The following RBPMS variants were observed in gnomAD, a reference collection of about 807,000 sequenced individuals.
The protein encoded by RBPMS is RNA binding protein, mRNA processing factor, also known as RNA-binding protein with multiple splicing.
In RBPMS, 7 loss-of-function variants were observed where a neutral mutation model predicts 26.8. The observed-to-expected ratio is 0.26, with a 90% CI of 0.15 to 0.49. The LOEUF (loss-of-function observed/expected upper bound fraction) is 0.49, where lower values mean the gene tolerates loss of function less well. RBPMS is among the 20% of genes least tolerant of loss of function. RBPMS has a pLI of 0.98. For synonymous variants in RBPMS, 96 were observed against 93.3 expected, an observed-to-expected ratio of 1.03 and a Z score of -0.17; for missense variants, 186 against 250.0, an observed-to-expected ratio of 0.74 and a Z score of 1.73.
At chr8:30,417,428 A>G (rs769372261) in intron 1 of RBPMS, among the ~76,000 whole-genome samples, 1 of 152,006 alleles carries the variant, frequency 6.6e-6, no homozygotes, top group Non-Finnish European at 1.5e-5. Context: ...CCTGTTTTAT[A>G]GAAACTTCTA....
At chr8:30,496,840 G>T (rs899704768) in intron 4 of RBPMS, among the ~76,000 whole-genome samples, 1 of 152,144 alleles carries the variant, frequency 6.6e-6, no homozygotes, top group Non-Finnish European at 1.5e-5. Flanking sequence ...CCAGATGCGG[G>T]TTTATCTGTG....
At chr8:30,475,106 G>A (rs1817546464) in intron 2 of RBPMS, among the ~76,000 whole-genome samples, 1 of 152,258 alleles carries the variant, frequency 6.6e-6, no homozygotes, top group East Asian at 1.9e-4. Context: ...ATTTGAAATA[G>A]TACTGTTGAT....
intron 5 of RBPMS, among the ~76,000 whole-genome samples, chr8:30,525,791 G>A (rs569246275): frequency 6.6e-6 from 1 of 152,322 alleles, no homozygotes; most frequent in Admixed American, 6.5e-5. Flanking sequence ...CAGGACCCAT[G>A]CTGTAGAGCT....
At chr8:30,502,139 C>CT (rs34541775) in intron 4 of RBPMS, among the ~76,000 whole-genome samples, 120,699 of 132,108 alleles carry the variant, frequency 0.91, 56,027 homozygotes, top group East Asian at 0.99. Context: ...AACTTCTGAG[C>CT]TTTTTTTTTT....
chr8:30,393,959 C>T (rs888727092), intron 1 of RBPMS, among the ~76,000 whole-genome samples: 3 of 113,252 alleles, frequency 2.6e-5, no homozygotes, highest in Admixed American at 2.0e-4. Flanking sequence ...CTCTACTGCA[C>T]CTATTATGGT....
chr8:30,477,198 A>G (rs1056781157), intron 2 of RBPMS, among the ~76,000 whole-genome samples: 7 of 152,132 alleles, frequency 4.6e-5, no homozygotes, highest in South Asian at 2.1e-4. Context: ...GACTACAGGC[A>G]CCCACCACCA....
intron 5 of RBPMS, among the ~76,000 whole-genome samples, chr8:30,519,822 T>C (rs755016279): frequency 1.3e-5 from 2 of 152,118 alleles, no homozygotes; most frequent in Non-Finnish European, 2.9e-5. Context: ...CATTGGATTA[T>C]TGAAAAAAGT....
chr8:30,393,443 T>G (rs1808024271), intron 1 of RBPMS, among the ~76,000 whole-genome samples: 1 of 151,308 alleles, frequency 6.6e-6, no homozygotes, highest in Admixed American at 6.6e-5. Context: ...TTTTTTGACT[T>G]TTTTGGGGAA....
rs369277836 is a variant in RBPMS at position 30,544,223 on chromosome 8, AAGACATC to A, written c.398-267_398-261del. On this transcript the variant is annotated intron_variant, in intron 5 of 8. Coordinates refer to ENST00000397323, the MANE Select transcript of RBPMS (RefSeq NM_001008710.3). The stretch of plus-strand genomic sequence containing the variant: ...TTTGGGTTCCCCAGCTACAGTCGGA[AAGACATC>A]AGAGTGTTCAAGGCGGAGTCCAGGC... 6.4e-3 allele frequency among the ~76,000 whole-genome samples: 978 copies of A among 152,282 alleles called. 14 individuals carry two copies. The highest frequency in any genetic ancestry group is 0.022 in the African/African-American group (915 of 41,514).
At chr8:30,546,218 G>A (rs145106802) in intron 6 of RBPMS, among the ~76,000 whole-genome samples, 1,977 of 152,260 alleles carry the variant, frequency 0.013, 13 homozygotes, top group Middle Eastern at 0.024. Flanking sequence ...TACAGATCAC[G>A]TGGCAATTAA....
chr8:30,391,321 C>G (rs1160265143), intron 1 of RBPMS, among the ~76,000 whole-genome samples: 1 of 152,194 alleles, frequency 6.6e-6, no homozygotes, highest in Non-Finnish European at 1.5e-5. Context: ...AGCATGGACT[C>G]CCTGTGTTCC....
intron 1 of RBPMS, among the ~76,000 whole-genome samples, chr8:30,453,060 C>T (rs149672352): frequency 3.7e-3 from 556 of 152,274 alleles, no homozygotes; most frequent in South Asian, 8.5e-3. Flanking sequence ...AGCAGTATTT[C>T]TCAGTGTGTG....
chr8:30,567,080 G>A (rs571768437), intron 8 of RBPMS, among the ~76,000 whole-genome samples: 5 of 152,292 alleles, frequency 3.3e-5, no homozygotes, highest in African/African-American at 7.2e-5. Flanking sequence ...GGCTTAGAGC[G>A]GCAGGAATGC....
chr8:30,489,762 A>T (rs6990019), intron 4 of RBPMS, among the ~76,000 whole-genome samples: 34,781 of 149,536 alleles, frequency 0.23, 4,541 homozygotes, highest in East Asian at 0.41. Flanking sequence ...TTTTCTGTAC[A>T]CTGGTGTTTT....
chr8:30,566,652 GTGAGGGAT>G (rs1827905457), intron 8 of RBPMS, among the ~76,000 whole-genome samples: 1 of 152,230 alleles, frequency 6.6e-6, no homozygotes, highest in Non-Finnish European at 1.5e-5. Flanking sequence ...GGCACCTGGA[GTGAGGGAT>G]TCCACCTAGG....
chr8:30,411,079 C>T (rs549174938), intron 1 of RBPMS, among the ~76,000 whole-genome samples: 1 of 152,246 alleles, frequency 6.6e-6, no homozygotes, highest in East Asian at 1.9e-4. Context: ...CCACTTAATC[C>T]TCTCCAGACT....
At chr8:30,421,257 AG>A (rs1337776147) in intron 1 of RBPMS, among the ~76,000 whole-genome samples, 2 of 152,074 alleles carry the variant, frequency 1.3e-5, no homozygotes. Context: ...GGTGGAGCTA[AG>A]GGGGAAACAT....
intron 6 of RBPMS, among the ~76,000 whole-genome samples, chr8:30,547,869 C>A (rs950631849): frequency 6.6e-6 from 1 of 152,166 alleles, no homozygotes; most frequent in Non-Finnish European, 1.5e-5. Context: ...GGAAGGAAGA[C>A]CAGGAGACAA....
intron 4 of RBPMS, among the ~76,000 whole-genome samples, chr8:30,491,551 A>G (rs900449010): frequency 2.0e-5 from 3 of 152,122 alleles, no homozygotes; most frequent in Admixed American, 6.5e-5. Context: ...TTGGAGGCCT[A>G]TTGCGGTCTA....
Sources: gnomAD v4.1 joint callset for allele counts (sites outside exome capture counted in the v4.1 genomes callset) on GRCh38, gnomAD v4.1.1 for gene constraint, MANE v1.5 for transcripts, NCBI Gene and HGNC (gene_info 2026-07-23, HGNC 2026-07-21) for gene names.